The following NDUFA12 variants were observed in gnomAD, a reference collection of about 807,000 sequenced individuals.
The protein encoded by NDUFA12 is NADH dehydrogenase [ubiquinone] 1 alpha subcomplex subunit 12.
NDUFA12 carries 17 observed loss-of-function variants against 20.3 expected under a neutral mutation model. The observed-to-expected ratio is 0.84, with a 90% CI of 0.57 to 1.26. The LOEUF (loss-of-function observed/expected upper bound fraction) is 1.26, where lower values mean the gene tolerates loss of function less well. Among genes scored for constraint, NDUFA12 ranks in the 50% most tolerant of loss-of-function variants. NDUFA12 has a pLI of 0.00. For missense variants in NDUFA12, 191 were observed against 183.7 expected, an observed-to-expected ratio of 1.04 and a Z score of -0.23; for synonymous variants, 72 against 63.6, an observed-to-expected ratio of 1.13 and a Z score of -0.63.
intron 3 of NDUFA12, among the ~76,000 whole-genome samples, chr12:94,980,426 G>T (rs1874199342): frequency 6.6e-6 from 1 of 151,902 alleles, no homozygotes; most frequent in African/African-American, 2.4e-5. Context: ...CTGCCACCCT[G>T]TTTCTCTACA....
At chr12:94,985,945 C>T (rs867157412) in intron 3 of NDUFA12, among the ~76,000 whole-genome samples, 97 of 151,890 alleles carry the variant, frequency 6.4e-4, no homozygotes, top group African/African-American at 2.3e-3. Context: ...GTTAGCTGGG[C>T]ATGGTGGTGT....
In NDUFA12 at chr12:95,003,646, T is replaced by G. The variant is rs200986814; in HGVS notation, c.35A>C (p.Gln12Pro). The G allele has an allele frequency of 6.2e-6, 10 of 1,614,160 alleles. No homozygotes were observed. The highest frequency in any genetic ancestry group is 2.2e-5 in the South Asian group (2 of 91,084). Reference sequence around the variant, plus strand: ...GAGACCGCCGTGGCCGGTGATCTGCTGCAGCCCGCGTTTCAGGACCTGCAC... The same window carrying G: ...GAGACCGCCGTGGCCGGTGATCTGCGGCAGCCCGCGTTTCAGGACCTGCAC... The part of the protein sequence containing the change: ...ELVQVLKRGL[Q>P]QITGHGGLRG... Residue 12 changes from glutamine (Q) to proline (P), a missense_variant, in exon 1 of 4, where the codon CAG becomes CCG. Transcript: ENST00000327772.
At chr12:94,987,547 T>A (rs1199213310) in intron 3 of NDUFA12, among the ~76,000 whole-genome samples, 1 of 152,014 alleles carries the variant, frequency 6.6e-6, no homozygotes, top group Non-Finnish European at 1.5e-5. Flanking sequence ...ATGCCTGTAA[T>A]CTCAGCACTT....
chr12:94,973,931 C>T (rs1300156934), intron 3 of NDUFA12, among the ~76,000 whole-genome samples: 1 of 149,584 alleles, frequency 6.7e-6, no homozygotes, highest in East Asian at 1.9e-4. Context: ...CAGATTGCCA[C>T]ACCAGAGAGT....
At chr12:94,985,769 T>C (rs747653370) in intron 3 of NDUFA12, among the ~76,000 whole-genome samples, 2 of 150,730 alleles carry the variant, frequency 1.3e-5, no homozygotes, top group Non-Finnish European at 3.0e-5. Flanking sequence ...CTGTGCAACA[T>C]AGCAAGAGCT....
chr12:94,972,841 T>C (rs1006964015), intron 3 of NDUFA12, among the ~76,000 whole-genome samples: 1 of 151,312 alleles, frequency 6.6e-6, no homozygotes, highest in African/African-American at 2.4e-5. Flanking sequence ...CTGCTGCTAA[T>C]GACAGGGAAA....
In NDUFA12 at chr12:94,971,508, A is replaced by G. The variant is rs1873885268; in HGVS notation, c.370T>C (p.Tyr124His). 6.2e-7 allele frequency: 1 copy of G among 1,614,196 alleles called. No individual in the cohort carries two copies. The change falls in exon 4 of 4, where the codon TAT (tyrosine) becomes CAT (histidine). Residue 124 changes from tyrosine to histidine, a missense_variant. Coordinates refer to ENST00000327772, the MANE Select transcript of NDUFA12 (RefSeq NM_018838.5). ...TTTCTAGTGGTAGAATAAGGTACATATTGTTCTGGGGTGCCAGTCACGTTG... is the reference window on the plus strand; with the variant it reads ...TTTCTAGTGGTAGAATAAGGTACATGTTGTTCTGGGGTGCCAGTCACGTTG... ...KFNVTGTPEQ[Y>H]VPYSTTRKKI...
rs1055015765 is a variant in NDUFA12 at position 95,003,663 on chromosome 12, G to C, written c.18C>G (p.Val6=). Residue 6 remains valine, a synonymous_variant, in exon 1 of 4, where the codon GTC becomes GTG. Coordinates refer to ENST00000327772, the MANE Select transcript of NDUFA12 (RefSeq NM_018838.5). The part of the protein sequence containing the change: MELVQ[V]LKRGLQQITG... ...TGATCTGCTGCAGCCCGCGTTTCAG[G>C]ACCTGCACTAACTCCATCTTGCCTC... The C allele has an allele frequency of 3.7e-6, 6 of 1,614,160 alleles. No homozygotes were observed. In the South Asian group the frequency reaches 5.5e-5, roughly 15 times the overall value.
At chr12:94,995,110 G>A (rs921350732) in intron 2 of NDUFA12, among the ~76,000 whole-genome samples, 2 of 152,120 alleles carry the variant, frequency 1.3e-5, no homozygotes, top group African/African-American at 4.8e-5. Flanking sequence ...AGGGAACACT[G>A]AATCCATTCA....
Position 95,002,729 on chromosome 12 carries a change from C to A in NDUFA12, c.169+10G>T. On this transcript the variant is annotated intron_variant, in intron 2 of 3. Transcript: ENST00000327772. The stretch of plus-strand genomic sequence containing the variant: ...ATCCAATTATTCATACTAAAAAATA[C>A]TGCACTCACCAAAAAATTGCTTGTT... 1 of 1,602,884 alleles carries A rather than the reference C, an allele frequency of 6.2e-7. No homozygotes were observed. The highest frequency in any genetic ancestry group is 1.1e-5 in the South Asian group (1 of 90,862).
chr12:94,985,566 G>A (rs1400962181), intron 3 of NDUFA12, among the ~76,000 whole-genome samples: 4 of 141,984 alleles, frequency 2.8e-5, no homozygotes, highest in Non-Finnish European at 6.0e-5. Flanking sequence ...GGTGGAGCTT[G>A]CAGTGAGCTG....
chr12:95,001,791 G>C (rs534320250), intron 2 of NDUFA12, among the ~76,000 whole-genome samples: 10 of 151,958 alleles, frequency 6.6e-5, no homozygotes, highest in Admixed American at 6.6e-5. Flanking sequence ...TGCAACTTCC[G>C]ACTCCCTGGT....
At chr12:94,979,445 G>A (rs1254121018) in intron 3 of NDUFA12, among the ~76,000 whole-genome samples, 2 of 152,038 alleles carry the variant, frequency 1.3e-5, no homozygotes, top group Non-Finnish European at 2.9e-5. Context: ...GTGATTATAA[G>A]GATTGTTTTA....
At chr12:94,997,599 G>C (rs994333921) in intron 2 of NDUFA12, among the ~76,000 whole-genome samples, 1 of 152,118 alleles carries the variant, frequency 6.6e-6, no homozygotes, top group Non-Finnish European at 1.5e-5. Flanking sequence ...AGAAGGTACA[G>C]GTTGGGTATC....
intron 3 of NDUFA12, among the ~76,000 whole-genome samples, chr12:94,989,030 A>G (rs1874546412): frequency 6.6e-6 from 1 of 152,128 alleles, no homozygotes; most frequent in Admixed American, 6.5e-5. Flanking sequence ...TGAACAGACC[A>G]AGCAATACAT....
Position 94,980,816 on chromosome 12 carries a change from GT to G in NDUFA12, c.258-9197del, listed in dbSNP as rs199682565. Among the ~76,000 whole-genome samples the G allele has an allele frequency of 1.5e-3, 216 of 146,344 alleles. 5 individuals are homozygous for G. In the South Asian group the frequency reaches 0.039, roughly 26 times the overall value. On this transcript the variant is annotated intron_variant, in intron 3 of 3. Transcript: ENST00000327772. Reference sequence around the variant, plus strand: ...ATCTAACCAAGCCATGTCTTGCTTTGTTTTTTTTTTTAACTTGGTTCAAAGG... The same window carrying G: ...ATCTAACCAAGCCATGTCTTGCTTTGTTTTTTTTTTAACTTGGTTCAAAGG...
At chr12:94,996,840 A>G in intron 2 of NDUFA12, 1 of 203,080 alleles carries the variant, frequency 4.9e-6, no homozygotes, top group South Asian at 6.6e-5. Flanking sequence ...AAAAAATTAA[A>G]GAAAGGAAAG....
chr12:94,986,063 C>T (rs1834612), intron 3 of NDUFA12, among the ~76,000 whole-genome samples: 119,368 of 151,222 alleles, frequency 0.79, 47,236 homozygotes, highest in African/African-American at 0.83. Flanking sequence ...CCAGTCTGGG[C>T]GACAAGAGCA....
At chr12:94,991,438 A>T (rs1874641963) in intron 3 of NDUFA12, among the ~76,000 whole-genome samples, 1 of 151,940 alleles carries the variant, frequency 6.6e-6, no homozygotes. Flanking sequence ...TTGAAAAAAA[A>T]AAGAACTGAC....
Sources: gnomAD v4.1 joint callset for allele counts (sites outside exome capture counted in the v4.1 genomes callset) on GRCh38, gnomAD v4.1.1 for gene constraint, MANE v1.5 for transcripts, NCBI Gene and HGNC (gene_info 2026-07-23, HGNC 2026-07-21) for gene names.